Variants in NRXN1 observed in about 807,000 individuals in gnomAD.
NRXN1 encodes the protein neurexin-1.
A neutral mutation model predicts 150.9 loss-of-function variants in NRXN1; 39 were observed. The ratio of observed to expected loss-of-function variants is 0.26; its 90% CI spans 0.20 to 0.34. The LOEUF (loss-of-function observed/expected upper bound fraction) is 0.34. Ranked by LOEUF, NRXN1 falls within the 10% of genes least tolerant of loss-of-function variation. NRXN1 has a pLI of 1.00. For synonymous variants in NRXN1, 924 were observed against 757.0 expected (o/e 1.22, Z -3.62); for missense variants, 1,815 against 1,949.9 (o/e 0.93, Z 1.30).
At chr2:50,963,922 G>GAATTA (rs1558499940) in intron 2 of NRXN1, 2 of 396,648 alleles carry the variant, frequency 5.0e-6, no homozygotes, top group Non-Finnish European at 1.0e-5. Flanking sequence ...TGGTATCCTT[G>GAATTA]CACTAGGCAT....
chr2:50,465,815 T>G (rs572012282), intron 16 of NRXN1, among the ~76,000 whole-genome samples: 1 of 152,038 alleles, frequency 6.6e-6, no homozygotes, highest in African/African-American at 2.4e-5. Flanking sequence ...AGCACATAGC[T>G]TCTAGTATGA....
At chr2:50,993,268 A>G (rs1698807825) in intron 2 of NRXN1, among the ~76,000 whole-genome samples, 3 of 151,998 alleles carry the variant, frequency 2.0e-5, no homozygotes, top group Admixed American at 2.0e-4. Context: ...TTACAAAATG[A>G]GAATGGAGAC....
At chr2:50,424,158 G>T (rs1160897034) in intron 17 of NRXN1, among the ~76,000 whole-genome samples, 1 of 101,486 alleles carries the variant, frequency 9.9e-6, no homozygotes, top group Non-Finnish European at 2.0e-5. Flanking sequence ...GGAGGAGGAA[G>T]GGGAGGAGGA....
Position 50,506,563 on chromosome 2 carries a change from T to C in NRXN1, c.2429A>G (p.His810Arg). The change falls in exon 13 of 23, where the codon CAC (histidine) becomes CGC (arginine). Residue 810 changes from histidine (H) to arginine (R), a missense_variant. His to Arg is a conservative substitution (Grantham distance 29). Coordinates refer to ENST00000401669, the MANE Select transcript of NRXN1 (RefSeq NM_001330078.2). ...TCCACGCCGAACTACACGCACTGTG[T>C]GCCACTCGTTATCATTGAGGTTATA... ...AGYNLNDNEWHTVRVVRRGKS... is the reference protein window; with the variant it reads ...AGYNLNDNEWRTVRVVRRGKS... The C allele has an allele frequency of 6.2e-7, 1 of 1,613,428 alleles. No homozygotes were observed. Among genetic ancestry groups the C allele is most frequent in the Non-Finnish European group, 8.5e-7 (1 of 1,179,568 alleles).
chr2:50,806,136 A>G (rs1169536437), intron 5 of NRXN1, among the ~76,000 whole-genome samples: 1 of 152,190 alleles, frequency 6.6e-6, no homozygotes, highest in Admixed American at 6.5e-5. Context: ...GTAAAAGTAC[A>G]CTTTTTTAAT....
intron 12 of NRXN1, among the ~76,000 whole-genome samples, chr2:50,510,344 G>T (rs926276285): frequency 6.6e-6 from 1 of 151,686 alleles, no homozygotes; most frequent in Non-Finnish European, 1.5e-5. Context: ...AAAATAGCTG[G>T]GTGTAGTGGC....
At chr2:50,627,783 T>A (rs1681432698) in intron 5 of NRXN1, among the ~76,000 whole-genome samples, 1 of 151,516 alleles carries the variant, frequency 6.6e-6, no homozygotes, top group Admixed American at 6.6e-5. Context: ...GCTCATGGAG[T>A]TTATATGACC....
intron 17 of NRXN1, among the ~76,000 whole-genome samples, chr2:50,272,910 CA>C (rs2152924517): frequency 6.6e-6 from 1 of 151,946 alleles, no homozygotes; most frequent in African/African-American, 2.4e-5. Context: ...ATTTGTAATA[CA>C]TAAAGAATTT....
intron 5 of NRXN1, among the ~76,000 whole-genome samples, chr2:50,723,854 C>T (rs572578788): frequency 6.8e-4 from 104 of 152,212 alleles, no homozygotes; most frequent in Admixed American, 1.2e-3. Flanking sequence ...TGTTTGTGTG[C>T]GTGTGTGTGT....
chr2:50,625,770 C>T (rs967140732), intron 5 of NRXN1, among the ~76,000 whole-genome samples: 1 of 152,020 alleles, frequency 6.6e-6, no homozygotes, highest in African/African-American at 2.4e-5. Context: ...GTTAGAGATA[C>T]CAATCTTTCA....
chr2:50,352,754 A>ATAG (rs1475782938), intron 17 of NRXN1, among the ~76,000 whole-genome samples: 1 of 69,750 alleles, frequency 1.4e-5, no homozygotes, highest in African/African-American at 6.0e-5. Flanking sequence ...AAGAGCATTG[A>ATAG]TAATAATAAT....
chr2:50,286,082 A>G (rs2072120424), intron 17 of NRXN1, among the ~76,000 whole-genome samples: 1 of 152,192 alleles, frequency 6.6e-6, no homozygotes, highest in African/African-American at 2.4e-5. Flanking sequence ...TACATTGCAG[A>G]ATGACTAAAT....
chr2:50,382,645 C>T (rs886728063), intron 17 of NRXN1, among the ~76,000 whole-genome samples: 3 of 152,084 alleles, frequency 2.0e-5, no homozygotes, highest in Non-Finnish European at 2.9e-5. Context: ...CATTATTTCT[C>T]CCTAGATAGA....
intron 5 of NRXN1, among the ~76,000 whole-genome samples, chr2:50,767,420 T>G (rs1161141096): frequency 6.6e-6 from 1 of 152,076 alleles, no homozygotes; most frequent in East Asian, 1.9e-4. Context: ...CAGTATTTTG[T>G]GTGATATTAT....
intron 8 of NRXN1, among the ~76,000 whole-genome samples, chr2:50,617,963 A>C (rs1482537228): frequency 1.3e-5 from 2 of 152,232 alleles, no homozygotes; most frequent in Non-Finnish European, 2.9e-5. Flanking sequence ...TATGTGTCTC[A>C]GCTGAACTCA....
chr2:50,101,563 A>G (rs1573918876), intron 18 of NRXN1, among the ~76,000 whole-genome samples: 1 of 152,180 alleles, frequency 6.6e-6, no homozygotes, highest in South Asian at 2.1e-4. Flanking sequence ...TTGTAATTTT[A>G]GTCCTCTGCA....
At chr2:50,387,403 C>G (rs978500305) in intron 17 of NRXN1, among the ~76,000 whole-genome samples, 7 of 152,104 alleles carry the variant, frequency 4.6e-5, no homozygotes, top group Non-Finnish European at 7.4e-5. Flanking sequence ...AGTTGTTTTT[C>G]TCTCACTGGG....
chr2:50,936,615 T>C (rs920988228), intron 2 of NRXN1, among the ~76,000 whole-genome samples: 1 of 152,102 alleles, frequency 6.6e-6, no homozygotes. Flanking sequence ...ATGTGTAATA[T>C]TGAAAATAAT....
intron 18 of NRXN1, among the ~76,000 whole-genome samples, chr2:50,200,797 A>G (rs541060529): frequency 1.3e-5 from 2 of 152,312 alleles, no homozygotes; most frequent in African/African-American, 4.8e-5. Flanking sequence ...CACTAAATTT[A>G]AAGTCATTCC....
Sources: allele counts gnomAD v4.1 joint callset (sites outside exome capture counted in the v4.1 genomes callset), GRCh38; gene constraint gnomAD v4.1.1; transcripts MANE v1.5; gene names NCBI Gene and HGNC (gene_info 2026-07-23, HGNC 2026-07-21).